Variants in DCC observed in about 807,000 individuals in gnomAD.
DCC encodes netrin receptor DCC.
Under a neutral mutation model 172.5 loss-of-function variants are expected in DCC, and 58 were observed. That is an observed-to-expected ratio of 0.34 (90% confidence interval 0.27 to 0.42). The LOEUF is 0.42. DCC is among the 10% of genes least tolerant of loss of function. DCC has a pLI of 1.00. For missense variants in DCC, 1,740 were observed against 1,791.0 expected (o/e 0.97, Z 0.51); for synonymous variants, 709 against 644.5 (o/e 1.10, Z -1.52).
At chr18:52,818,551 G>A (rs371905035) in intron 2 of DCC, among the ~76,000 whole-genome samples, 1 of 151,994 alleles carries the variant, frequency 6.6e-6, no homozygotes, top group African/African-American at 2.4e-5. Context: ...TGCTTACTGA[G>A]CTTATTGATG....
chr18:52,885,583 C>T (rs536446778), intron 2 of DCC, among the ~76,000 whole-genome samples: 2 of 152,240 alleles, frequency 1.3e-5, no homozygotes, highest in African/African-American at 2.4e-5. Flanking sequence ...AATGGCAGGT[C>T]CAGACATGCT....
chr18:53,056,022 TGGAA>T (rs1036706896), intron 5 of DCC, among the ~76,000 whole-genome samples: 12 of 152,094 alleles, frequency 7.9e-5, no homozygotes, highest in African/African-American at 2.9e-4. Context: ...ATGTTTAACA[TGGAA>T]GCTTGTATTT....
chr18:52,862,654 C>T (rs1035215114), intron 2 of DCC, among the ~76,000 whole-genome samples: 24 of 151,978 alleles, frequency 1.6e-4, no homozygotes, highest in Admixed American at 4.6e-4. Flanking sequence ...GTTGAGATTG[C>T]GCCACTGCAC....
In DCC at chr18:53,473,999, A is replaced by C. The variant is rs375683021; in HGVS notation, c.3736+5989A>C. Among the ~76,000 whole-genome samples the C allele has an allele frequency of 1.3e-3, 195 of 149,678 alleles. 3 individuals carry two copies. Among genetic ancestry groups the C allele is most frequent in the Middle Eastern group, 6.9e-3 (2 of 288 alleles). On this transcript the variant is annotated intron_variant, in intron 25 of 28. Coordinates refer to ENST00000442544, the MANE Select transcript of DCC (RefSeq NM_005215.4). ...GACTTATTCTACATGAATGGAACCC[A>C]TAAAATTACCAGAAATTAATTTTTG...
chr18:52,647,622 C>T (rs534042798), intron 1 of DCC, among the ~76,000 whole-genome samples: 15 of 152,264 alleles, frequency 9.9e-5, no homozygotes, highest in South Asian at 4.1e-4. Context: ...TGGTTCAATT[C>T]GCTTAGTACT....
At chr18:52,532,679 A>G (rs969534211) in intron 1 of DCC, among the ~76,000 whole-genome samples, 4 of 152,090 alleles carry the variant, frequency 2.6e-5, no homozygotes, top group African/African-American at 9.7e-5. Flanking sequence ...TATTGTCCAT[A>G]GGGTACAAGA....
At chr18:52,812,690 G>A (rs2038224558) in intron 2 of DCC, among the ~76,000 whole-genome samples, 1 of 152,194 alleles carries the variant, frequency 6.6e-6, no homozygotes, top group Non-Finnish European at 1.5e-5. Flanking sequence ...CTTAAATAGT[G>A]CTTAAGAATT....
intron 16 of DCC, among the ~76,000 whole-genome samples, chr18:53,388,809 G>A (rs62099977): frequency 0.42 from 64,464 of 152,006 alleles, 15,472 homozygotes; most frequent in Non-Finnish European, 0.55. Context: ...TTTTGAGATA[G>A]GGTCTCATTC....
At chr18:53,193,225 G>A (rs1598892986) in intron 9 of DCC, among the ~76,000 whole-genome samples, 1 of 151,804 alleles carries the variant, frequency 6.6e-6, no homozygotes, top group South Asian at 2.1e-4. Context: ...TCCTCCCAAG[G>A]CTTTTAAGGC....
chr18:52,613,545 A>G (rs940092108), intron 1 of DCC, among the ~76,000 whole-genome samples: 4 of 152,162 alleles, frequency 2.6e-5, no homozygotes, highest in East Asian at 1.9e-4. Flanking sequence ...GTGAGCCACC[A>G]CACCCATCCT....
At chr18:52,607,084 C>T (rs954539330) in intron 1 of DCC, among the ~76,000 whole-genome samples, 4 of 152,086 alleles carry the variant, frequency 2.6e-5, no homozygotes, top group African/African-American at 7.2e-5. Flanking sequence ...AGTAGCTTTA[C>T]ACAACAAAGA....
At chr18:52,694,618 G>A (rs562574104) in intron 1 of DCC, among the ~76,000 whole-genome samples, 116 of 151,904 alleles carry the variant, frequency 7.6e-4, no homozygotes, top group African/African-American at 2.5e-3. Flanking sequence ...TAAAAATATA[G>A]GGAGTTGCAG....
intron 7 of DCC, among the ~76,000 whole-genome samples, chr18:53,091,440 T>C (rs1213695811): frequency 6.7e-6 from 1 of 150,254 alleles, no homozygotes; most frequent in Non-Finnish European, 1.5e-5. Flanking sequence ...AATTCAAGCA[T>C]AATAATATGC....
chr18:52,836,204 G>A (rs2038701972), intron 2 of DCC, among the ~76,000 whole-genome samples: 2 of 151,922 alleles, frequency 1.3e-5, no homozygotes, highest in South Asian at 2.1e-4. Context: ...TCATGACATG[G>A]GATTATGGGA....
At chr18:53,430,617 C>T (rs1461601911) in intron 21 of DCC, among the ~76,000 whole-genome samples, 1 of 152,054 alleles carries the variant, frequency 6.6e-6, no homozygotes, top group Non-Finnish European at 1.5e-5. Context: ...TTTATACGTA[C>T]ACCACAATAA....
chr18:52,460,000 G>T (rs1200267511), intron 1 of DCC, among the ~76,000 whole-genome samples: 1 of 151,656 alleles, frequency 6.6e-6, no homozygotes, highest in African/African-American at 2.4e-5. Flanking sequence ...TTACTATTGT[G>T]AATAGTGCTA....
intron 1 of DCC, among the ~76,000 whole-genome samples, chr18:52,639,507 A>T (rs2034849047): frequency 6.6e-6 from 1 of 152,156 alleles, no homozygotes. Flanking sequence ...AATACAAGAG[A>T]TCATTCAAGG....
chr18:52,525,727 GAT>G (rs1568212604), intron 1 of DCC, among the ~76,000 whole-genome samples: 2 of 152,184 alleles, frequency 1.3e-5, no homozygotes, highest in Non-Finnish European at 2.9e-5. Flanking sequence ...AGAAAAATGT[GAT>G]AGTTATTGTC....
chr18:53,018,559 T>C (rs2041839182), intron 5 of DCC, among the ~76,000 whole-genome samples: 1 of 152,154 alleles, frequency 6.6e-6, no homozygotes, highest in Non-Finnish European at 1.5e-5. Context: ...TCAGGGATGA[T>C]TTTTCTGTAC....
Sources: gnomAD v4.1 joint callset for allele counts (sites outside exome capture counted in the v4.1 genomes callset) on GRCh38, gnomAD v4.1.1 for gene constraint, MANE v1.5 for transcripts, NCBI Gene and HGNC (gene_info 2026-07-23, HGNC 2026-07-21) for gene names.